Variants in ATP8A2 observed in about 807,000 individuals in gnomAD.
ATP8A2 encodes phospholipid-transporting ATPase IB.
ATP8A2 carries 100 observed loss-of-function variants against 165.6 expected under a neutral mutation model. That is an observed-to-expected ratio of 0.60 (90% confidence interval 0.51 to 0.71). The LOEUF is 0.71. ATP8A2 is among the 30% of genes least tolerant of loss of function. The probability of loss-of-function intolerance (pLI) is 0.00; values close to 1 mark genes in which losing one functional copy is unlikely to be tolerated. For missense variants in ATP8A2, 1,227 were observed against 1,479.5 expected, an observed-to-expected ratio of 0.83 and a Z score of 2.80; for synonymous variants, 543 against 548.8, an observed-to-expected ratio of 0.99 and a Z score of 0.15.
chr13:26,013,356 G>C (rs1290349557), intron 36 of ATP8A2, among the ~76,000 whole-genome samples: 1 of 152,014 alleles, frequency 6.6e-6, no homozygotes, highest in East Asian at 1.9e-4. Flanking sequence ...TTCCGGAGGA[G>C]TTTAGAGGGA....
intron 27 of ATP8A2, 47 bp downstream of exon 27, chr13:25,775,006 G>A: frequency 1.8e-6 from 2 of 1,104,060 alleles, no homozygotes; most frequent in South Asian, 1.3e-5. Context: ...TCTTTTAAGA[G>A]GATATCTTGA....
intron 18 of ATP8A2, among the ~76,000 whole-genome samples, chr13:25,573,863 A>G (rs1369595618): frequency 6.6e-6 from 1 of 152,216 alleles, no homozygotes; most frequent in Admixed American, 6.5e-5. Context: ...GTTTTGTAGG[A>G]TGCAAAGAGA....
At chr13:25,490,119 T>G (rs930414378) in intron 2 of ATP8A2, among the ~76,000 whole-genome samples, 14 of 152,164 alleles carry the variant, frequency 9.2e-5, no homozygotes, top group African/African-American at 2.7e-4. Context: ...GTAAGGGAAG[T>G]GTAGTAGAGA....
intron 27 of ATP8A2, among the ~76,000 whole-genome samples, chr13:25,789,479 A>G (rs983496107): frequency 3.9e-5 from 6 of 152,200 alleles, no homozygotes; most frequent in African/African-American, 1.4e-4. Context: ...CGGGAAAACA[A>G]TGTCATTCAC....
intron 27 of ATP8A2, among the ~76,000 whole-genome samples, chr13:25,817,659 CA>C (rs1460084479): frequency 1.3e-5 from 2 of 151,836 alleles, no homozygotes; most frequent in African/African-American, 4.8e-5. Context: ...ATTAAAATTC[CA>C]GTCCTTTTAT....
intron 1 of ATP8A2, among the ~76,000 whole-genome samples, chr13:25,444,320 T>G (rs1366291361): frequency 6.6e-6 from 1 of 152,208 alleles, no homozygotes; most frequent in Non-Finnish European, 1.5e-5. Context: ...GTAGGTTGCT[T>G]CCTTTTTTTT....
chr13:25,429,090 G>A (rs563157115), intron 1 of ATP8A2, among the ~76,000 whole-genome samples: 68 of 152,116 alleles, frequency 4.5e-4, no homozygotes, highest in South Asian at 4.2e-4. Context: ...TCTAGTGGCC[G>A]GGCACCGTGG....
chr13:25,848,103 G>A (rs559193932), intron 30 of ATP8A2, among the ~76,000 whole-genome samples: 3 of 152,240 alleles, frequency 2.0e-5, no homozygotes, highest in Non-Finnish European at 4.4e-5. Context: ...AACCTCCTGA[G>A]CTCCGTGGCG....
At position 25,808,985 on chromosome 13, in the gene ATP8A2, G is replaced by C. The variant is rs539352849; in HGVS notation, c.2680-19133G>C. ...AGGAAGAATTGCGTCCTACCTAAGA[G>C]GTAGGCATGAAGGACACATGCACTT... On this transcript the variant is annotated intron_variant, in intron 27 of 36. Transcript: ENST00000381655. Among the ~76,000 whole-genome samples, 4 of 152,228 alleles carry C rather than the reference G, an allele frequency of 2.6e-5. No individual in the cohort carries two copies. In the South Asian group the frequency reaches 8.3e-4, roughly 32 times the overall value.
intron 35 of ATP8A2, among the ~76,000 whole-genome samples, chr13:25,999,533 C>T (rs1956593097): frequency 6.6e-6 from 1 of 152,138 alleles, no homozygotes; most frequent in Admixed American, 6.6e-5. Flanking sequence ...TTCTCTCTGC[C>T]CTGCTCCAAG....
intron 24 of ATP8A2, among the ~76,000 whole-genome samples, chr13:25,593,397 G>A (rs533257235): frequency 6.6e-6 from 1 of 152,218 alleles, no homozygotes; most frequent in East Asian, 1.9e-4. Context: ...TAAACAATTA[G>A]GATTTATGTC....
intron 24 of ATP8A2, among the ~76,000 whole-genome samples, chr13:25,642,182 T>C (rs1481855199): frequency 1.3e-5 from 2 of 152,294 alleles, no homozygotes; most frequent in East Asian, 3.9e-4. Context: ...ATTCAGGACA[T>C]AGGCATGGGC....
chr13:25,877,925 G>A (rs1952861624), intron 33 of ATP8A2, among the ~76,000 whole-genome samples: 1 of 152,162 alleles, frequency 6.6e-6, no homozygotes, highest in South Asian at 2.1e-4. Flanking sequence ...TGTCACCTGT[G>A]TATACAGAGA....
At chr13:25,747,698 T>C (rs2044064841) in intron 25 of ATP8A2, among the ~76,000 whole-genome samples, 1 of 152,190 alleles carries the variant, frequency 6.6e-6, no homozygotes, top group Non-Finnish European at 1.5e-5. Context: ...GTGTGCTTTA[T>C]AGATAACAAT....
At chr13:25,432,292 G>A (rs2034637303) in intron 1 of ATP8A2, among the ~76,000 whole-genome samples, 3 of 152,172 alleles carry the variant, frequency 2.0e-5, no homozygotes, top group South Asian at 4.1e-4. Context: ...AGTTTACCTC[G>A]GAGGTCCTTG....
intron 33 of ATP8A2, among the ~76,000 whole-genome samples, chr13:25,902,297 G>A (rs953346181): frequency 2.4e-4 from 36 of 152,276 alleles, no homozygotes; most frequent in African/African-American, 8.4e-4. Context: ...CTCTTACAGT[G>A]AAGCTTCAAT....
rs1329598765 is a variant in ATP8A2, at chr13:25,708,989, G to C, written c.2384+9644G>C. Among the ~76,000 whole-genome samples the C allele has an allele frequency of 2.6e-5, 4 of 152,228 alleles. No individual in the cohort carries two copies. The East Asian group carries it at 7.7e-4, about 29-fold the overall frequency. On this transcript the variant is annotated intron_variant, in intron 25 of 36. Transcript: ENST00000381655. ...TTGCTGGGTCAGCAGAGTCTGAGAG[G>C]GTCTGTTGAATGATTTGGTTTCTGT...
At chr13:25,898,677 G>C (rs1953642424) in intron 33 of ATP8A2, among the ~76,000 whole-genome samples, 1 of 152,232 alleles carries the variant, frequency 6.6e-6, no homozygotes, top group Non-Finnish European at 1.5e-5. Context: ...GCTCCACCCA[G>C]TTCCAGCTTC....
At chr13:25,540,142 C>T (rs756039057) in intron 7 of ATP8A2, among the ~76,000 whole-genome samples, 177 bp from the exon 8 acceptor site, 1 of 152,204 alleles carries the variant, frequency 6.6e-6, no homozygotes, top group Non-Finnish European at 1.5e-5. Context: ...GGTACTGAGT[C>T]CCAAAGATGA....
Sources: allele counts gnomAD v4.1 joint callset (sites outside exome capture counted in the v4.1 genomes callset), GRCh38; gene constraint gnomAD v4.1.1; transcripts MANE v1.5; gene names NCBI Gene and HGNC (gene_info 2026-07-23, HGNC 2026-07-21).